Variants in RIMS2 observed in about 807,000 individuals in gnomAD.
RIMS2 encodes the protein regulating synaptic membrane exocytosis 2, also known as regulating synaptic membrane exocytosis protein 2.
Under a neutral mutation model 174.4 loss-of-function variants are expected in RIMS2, and 59 were observed. The observed-to-expected ratio is 0.34, with a 90% CI of 0.27 to 0.42. RIMS2 has a LOEUF of 0.42. RIMS2 is among the 10% of genes least tolerant of loss of function. The pLI is 1.00. For synonymous variants in RIMS2, 606 were observed against 572.5 expected, an observed-to-expected ratio of 1.06 and a Z score of -0.84; for missense variants, 1,620 against 1,666.3, an observed-to-expected ratio of 0.97 and a Z score of 0.48.
At chr8:103,739,550 A>G (rs914500665) in intron 2 of RIMS2, among the ~76,000 whole-genome samples, 1 of 152,100 alleles carries the variant, frequency 6.6e-6, no homozygotes, top group African/African-American at 2.4e-5. Context: ...AATAAACTTC[A>G]ATGTTATTTA....
chr8:103,567,573 T>A (rs2092464990), intron 1 of RIMS2, among the ~76,000 whole-genome samples: 1 of 152,224 alleles, frequency 6.6e-6, no homozygotes, highest in Non-Finnish European at 1.5e-5. Context: ...CAAATGTCCA[T>A]CAGGTGATTT....
rs1324801584 is a variant in RIMS2 at position 103,594,665 on chromosome 8, G to A, written c.176+93603G>A. ...GTGTTCTCTGATAAAAGGGAATGCA[G>A]ATTGCTGCTGGATGGCATATCCATA... On this transcript the variant is annotated intron_variant, in intron 1 of 23. Transcript: ENST00000504942. Among the ~76,000 whole-genome samples the A allele has an allele frequency of 2.6e-5, 4 of 151,922 alleles. No homozygotes were observed. In the Middle Eastern group the frequency reaches 0.01, roughly 388 times the overall value.
At chr8:104,006,091 G>C (rs2095564933) in intron 17 of RIMS2, among the ~76,000 whole-genome samples, 1 of 151,888 alleles carries the variant, frequency 6.6e-6, no homozygotes, top group South Asian at 2.1e-4. Context: ...TCTTACAACT[G>C]TTTTGTTCTC....
intron 8 of RIMS2, 131 bp from the exon 12 acceptor site, chr8:103,918,310 T>C (rs2076980029): frequency 3.9e-6 from 2 of 518,118 alleles, no homozygotes; most frequent in Admixed American, 6.9e-5. Context: ...CTTATTTATA[T>C]AATGCCACTA....
intron 1 of RIMS2, among the ~76,000 whole-genome samples, chr8:103,549,976 A>G (rs1371539942): frequency 6.6e-6 from 1 of 152,190 alleles, no homozygotes; most frequent in South Asian, 2.1e-4. Context: ...GAGACCTACA[A>G]AGAGACTTAG....
chr8:103,609,820 T>C (rs1449270816), intron 1 of RIMS2, among the ~76,000 whole-genome samples: 1 of 152,230 alleles, frequency 6.6e-6, no homozygotes, highest in Non-Finnish European at 1.5e-5. Flanking sequence ...TCTGCTCTTT[T>C]TTGCTTCTGT....
intron 19 of RIMS2, among the ~76,000 whole-genome samples, chr8:104,126,955 A>T (rs1438104870): frequency 6.6e-6 from 1 of 152,198 alleles, no homozygotes; most frequent in East Asian, 1.9e-4. Flanking sequence ...AGTTTTCATC[A>T]GTGCTACCCT....
At chr8:103,912,335 C>T (rs2075830230) in intron 6 of RIMS2, among the ~76,000 whole-genome samples, 163 bp downstream of exon 9, 1 of 152,084 alleles carries the variant, frequency 6.6e-6, no homozygotes, top group South Asian at 2.1e-4. Flanking sequence ...CATTTTCCCA[C>T]TATTATTTAA....
intron 19 of RIMS2, 139 bp downstream of exon 23, chr8:104,068,751 T>A (rs1443447669): frequency 5.3e-6 from 3 of 562,592 alleles, no homozygotes; most frequent in Non-Finnish European, 9.4e-6. Flanking sequence ...GTGCTAAAAT[T>A]TATGTGTTTG....
intron 4 of RIMS2, among the ~76,000 whole-genome samples, chr8:103,897,627 G>A (rs2099294632): frequency 1.3e-5 from 2 of 151,510 alleles, no homozygotes; most frequent in Admixed American, 1.3e-4. Flanking sequence ...GCTTATGAGG[G>A]GCACTTCTAG....
intron 19 of RIMS2, among the ~76,000 whole-genome samples, chr8:104,140,555 T>A (rs1462672834): frequency 2.6e-5 from 4 of 152,212 alleles, no homozygotes; most frequent in Non-Finnish European, 5.9e-5. Context: ...GAAAAAGTGG[T>A]ACCTCTAGGT....
intron 3 of RIMS2, among the ~76,000 whole-genome samples, chr8:103,815,148 G>C (rs776669734): frequency 2.0e-5 from 3 of 151,946 alleles, no homozygotes; most frequent in Non-Finnish European, 4.4e-5. Flanking sequence ...GGTTTGTATT[G>C]TTCCAGTGTG....
rs554787304 is a variant in RIMS2, at chr8:103,941,141, C to T, written c.2548-1632C>T. Among the ~76,000 whole-genome samples, 23 of 152,166 alleles carry T rather than the reference C, an allele frequency of 1.5e-4. No individual in the cohort carries two copies. The South Asian group carries it at 1.9e-3, about 12-fold the overall frequency. ...TTGTATTGTGTGTTTGTAATCCTTT[C>T]GAACACAGTACCTATAATTTTGAAA... is the stretch of plus-strand genomic sequence containing the variant. On this transcript the variant is annotated intron_variant, in intron 13 of 23. Transcript: ENST00000504942.
intron 2 of RIMS2, among the ~76,000 whole-genome samples, chr8:103,736,777 C>G (rs1287183334): frequency 1.3e-5 from 2 of 152,132 alleles, no homozygotes; most frequent in Non-Finnish European, 2.9e-5. Flanking sequence ...TGAGTTTTGT[C>G]ACTAAAAATG....
At chr8:103,536,340 C>G (rs978305184) in intron 1 of RIMS2, among the ~76,000 whole-genome samples, 1 of 151,996 alleles carries the variant, frequency 6.6e-6, no homozygotes. Context: ...TAAGACTCTC[C>G]ATGGACCTAA....
intron 2 of RIMS2, among the ~76,000 whole-genome samples, chr8:103,754,068 T>C (rs1180095616): frequency 6.6e-6 from 1 of 152,216 alleles, no homozygotes; most frequent in African/African-American, 2.4e-5. Context: ...GGGCATTTAG[T>C]GCTATAAATT....
Position 103,758,092 on chromosome 8 carries a change from A to G in RIMS2, c.388-8135A>G, listed in dbSNP as rs181573228. Among the ~76,000 whole-genome samples the G allele has an allele frequency of 9.9e-5, 15 of 152,172 alleles. No homozygotes were observed. The East Asian group carries it at 2.1e-3, about 22-fold the overall frequency. ...AGTTTCCATTTTTCCCCCTTCTGTA[A>G]TATTTTTGAATAAGTTTTAGATAGC... is the stretch of plus-strand genomic sequence containing the variant. On this transcript the variant is annotated intron_variant, in intron 2 of 23. Coordinates refer to ENST00000504942, the Ensembl canonical transcript of RIMS2.
chr8:103,721,254 A>G (rs2097443902), intron 2 of RIMS2, among the ~76,000 whole-genome samples: 2 of 152,138 alleles, frequency 1.3e-5, no homozygotes, highest in African/African-American at 2.4e-5. Context: ...TGCCAGAATC[A>G]TGCTTCCTGT....
At chr8:103,531,921 T>C (rs1163256958) in intron 1 of RIMS2, among the ~76,000 whole-genome samples, 2 of 152,170 alleles carry the variant, frequency 1.3e-5, no homozygotes, top group Admixed American at 1.3e-4. Context: ...GGCTACATAA[T>C]GACAAGAAAA....
Sources: gnomAD v4.1 joint callset for allele counts (sites outside exome capture counted in the v4.1 genomes callset) on GRCh38, gnomAD v4.1.1 for gene constraint, MANE v1.5 for transcripts, NCBI Gene and HGNC (gene_info 2026-07-23, HGNC 2026-07-21) for gene names.